Variants in CMTM3 observed in about 807,000 individuals in gnomAD.
CMTM3 encodes the protein CKLF like MARVEL transmembrane domain containing 3.
A neutral mutation model predicts 18.2 loss-of-function variants in CMTM3; 7 were observed. The observed-to-expected ratio is 0.38, with a 90% CI of 0.22 to 0.72. The LOEUF is 0.72. Among genes scored for constraint, CMTM3 ranks in the 30% least tolerant of loss-of-function variants. CMTM3 has a pLI of 0.46. For missense variants in CMTM3, 227 were observed against 249.2 expected (o/e 0.91, Z 0.60); for synonymous variants, 109 against 111.2 (o/e 0.98, Z 0.12).
Position 66,609,653 on chromosome 16 carries a change from G to C in CMTM3, c.399+123G>C, listed in dbSNP as rs903007565. 4.3e-5 allele frequency: 66 copies of C among 1,523,086 alleles called. No individual in the cohort carries two copies. Among genetic ancestry groups the C allele is most frequent in the Non-Finnish European group, 5.6e-5 (63 of 1,129,298 alleles). The allele number at this position is 1,523,086 out of a possible 1,614,324, so 94.3% of individuals were successfully genotyped here. On this transcript the variant is annotated intron_variant, in intron 3 of 4. Transcript: ENST00000567572. This position sits in a 1 kb window ranked among gnomAD's most constrained non-coding sequence, Gnocchi z 4.4. ...CCTGGGGTCTCATGTGGGTCCCGATGATGATTCCAAAGTCCTCTCATTAAA... is the reference window on the plus strand; with the variant it reads ...CCTGGGGTCTCATGTGGGTCCCGATCATGATTCCAAAGTCCTCTCATTAAA...
rs1313079896 is a variant in CMTM3, at chr16:66,608,688, A to C, written c.303+224A>C. Among the ~76,000 whole-genome samples, 1 of 152,194 alleles carries C rather than the reference A, an allele frequency of 6.6e-6. No individual in the cohort carries two copies. Among genetic ancestry groups the C allele is most frequent in the African/African-American group, 2.4e-5 (1 of 41,454 alleles). ...TGCCTCTAGAGCAGGTCTGTGAGGC[A>C]GGGAACCCGGAGAGGGGTCTCTGGC... On this transcript the variant is annotated intron_variant, in intron 2 of 4. Coordinates refer to ENST00000567572, the MANE Select transcript of CMTM3 (RefSeq NM_181553.4). The surrounding 1 kb of genome is among the most constrained non-coding windows in gnomAD (Gnocchi z 5.1).
Position 66,610,707 on chromosome 16 carries a change from T to C in CMTM3, c.520+704T>C, listed in dbSNP as rs1049163481. 3 of 397,492 alleles carry C rather than the reference T, an allele frequency of 7.5e-6. No homozygotes were observed. In the Admixed American group the frequency reaches 1.3e-4, roughly 18 times the overall value. 24.6% of individuals were successfully genotyped at this position (397,492 alleles called of 1,614,324 possible). Reference sequence around the variant, plus strand: ...GAGATGCTTCTCTGGACCAGGCGGATGTGCCCCTGTGCTGGCAGTGCCTGT... The same window carrying C: ...GAGATGCTTCTCTGGACCAGGCGGACGTGCCCCTGTGCTGGCAGTGCCTGT... On this transcript the variant is annotated intron_variant, in intron 4 of 4. Transcript: ENST00000567572. The surrounding 1 kb of genome is among the most constrained non-coding windows in gnomAD (Gnocchi z 4.6).
chr16:66,609,861 A>G lies in CMTM3; in HGVS notation c.400-22A>G, dbSNP rs2144749009. On this transcript the variant is annotated intron_variant, in intron 3 of 4. Transcript: ENST00000567572. This position sits in a 1 kb window ranked among gnomAD's most constrained non-coding sequence, Gnocchi z 4.4. ...GAGCAGGGAGTCAGCCCTGTGATGC[A>G]TCCCATCCACCCTGTCCACAGGTGT... is the stretch of plus-strand genomic sequence containing the variant. 2 of 1,614,158 alleles carry G rather than the reference A, an allele frequency of 1.2e-6. No individual in the cohort carries two copies. Among genetic ancestry groups the G allele is most frequent in the Non-Finnish European group, 1.7e-6 (2 of 1,180,026 alleles).
chr16:66,609,768 C>A lies in CMTM3; in HGVS notation c.400-115C>A. The A allele has an allele frequency of 6.2e-7, 1 of 1,602,766 alleles. No individual in the cohort carries two copies. The highest frequency in any genetic ancestry group is 8.5e-7 in the Non-Finnish European group (1 of 1,174,544). ...CTTCCGTTACTCACAGGGGTCTGTG[C>A]CTGACACTCGGGCTGTTTGTCCAAG... On this transcript the variant is annotated intron_variant, in intron 3 of 4. Transcript: ENST00000567572. The surrounding 1 kb of genome is among the most constrained non-coding windows in gnomAD (Gnocchi z 4.4).
Position 66,610,093 on chromosome 16 carries a change from T to A in CMTM3, c.520+90T>A. 6.7e-7 allele frequency: 1 copy of A among 1,492,716 alleles called. No individual in the cohort carries two copies. The highest frequency in any genetic ancestry group is 1.2e-5 in the South Asian group (1 of 84,166). The allele number at this position is 1,492,716 out of a possible 1,614,324, so 92.5% of individuals were successfully genotyped here. On this transcript the variant is annotated intron_variant, in intron 4 of 4. Coordinates refer to ENST00000567572, the MANE Select transcript of CMTM3 (RefSeq NM_181553.4). This position sits in a 1 kb window ranked among gnomAD's most constrained non-coding sequence, Gnocchi z 4.6. ...CAGCTAGTTTGAGGCTGGGGTGGGA[T>A]CATTTCCTCTCTCCCCATGGCAGGA... is the stretch of plus-strand genomic sequence containing the variant.
rs557142222 is a variant in CMTM3, at chr16:66,609,455, C to T, written c.324C>T (p.Thr108=). The T allele has an allele frequency of 9.3e-6, 15 of 1,612,952 alleles. No individual in the cohort carries two copies. The Admixed American group carries it at 1.5e-4, about 16-fold the overall frequency. Residue 108 remains threonine (T), a synonymous_variant, in exon 3 of 5, where the codon ACC becomes ACT. Coordinates refer to ENST00000567572, the MANE Select transcript of CMTM3 (RefSeq NM_181553.4). This position sits in a 1 kb window ranked among gnomAD's most constrained non-coding sequence, Gnocchi z 4.4. ...CCCAGGACTTCCTGCGCTGTGTCAC[C>T]GCGGCCCTCATCTACTTTGCTATCT... ...WPMMDFLRCV[T]AALIYFAISI...
chr16:66,604,773 A>C lies in CMTM3; in HGVS notation c.-33A>C, dbSNP rs2015062333. 2 of 1,229,154 alleles carry C rather than the reference A, an allele frequency of 1.6e-6. No individual in the cohort carries two copies. 76.1% of individuals were successfully genotyped at this position (1,229,154 alleles called of 1,614,324 possible). A position where few individuals can be genotyped will look rare whatever the true frequency, so the allele number is the denominator to read the frequency against. On this transcript the variant is annotated 5_prime_UTR_variant, in exon 1 of 5. Transcript: ENST00000567572. ...CTCCGGGCGCGAGAAGAGGGGAGCC[A>C]GGCCGAGCCCCGGCCCTACCGCCGC... is the stretch of plus-strand genomic sequence containing the variant.
rs761720807 is a variant in CMTM3 at position 66,610,008 on chromosome 16, G to A, written c.520+5G>A. On this transcript the variant is annotated splice_donor_5th_base_variant and intron_variant, in intron 4 of 4. Transcript: ENST00000567572. This position sits in a 1 kb window ranked among gnomAD's most constrained non-coding sequence, Gnocchi z 4.6. ...CCACAGCCCACAAGACAGAAGGTAA[G>A]CGGCTGCCCTGATCACCCCAGCAGT... The A allele has an allele frequency of 2.5e-6, 4 of 1,614,076 alleles. No homozygotes were observed. The African/African-American group carries it at 4.0e-5, about 16-fold the overall frequency.
intron 1 of CMTM3, among the ~76,000 whole-genome samples, chr16:66,607,849 T>G (rs1265211607): frequency 1.3e-5 from 2 of 150,284 alleles, no homozygotes; most frequent in East Asian, 2.0e-4. Flanking sequence ...TTTTTTTTTG[T>G]AGGGGCGGGT....
chr16:66,605,149 C>CCGAGCCCAGGCCATCCGCGGCGCT lies in CMTM3; in HGVS notation c.147+198_147+221dup. The CCGAGCCCAGGCCATCCGCGGCGCT allele has an allele frequency of 6.2e-6, 3 of 485,254 alleles. No homozygotes were observed. The East Asian group carries it at 1.1e-4, about 19-fold the overall frequency. 30.1% of individuals were successfully genotyped at this position (485,254 alleles called of 1,614,324 possible). On this transcript the variant is annotated intron_variant, in intron 1 of 4. Coordinates refer to ENST00000567572, the MANE Select transcript of CMTM3 (RefSeq NM_181553.4). The surrounding 1 kb of genome is among the most constrained non-coding windows in gnomAD (Gnocchi z 4.6). The stretch of plus-strand genomic sequence containing the variant: ...CAAACTTTGGACGGCGGGGCGGGGC[C>CCGAGCCCAGGCCATCCGCGGCGCT]CGAGCCCAGGCCATCCGCGGCGCTG...
chr16:66,610,089 G>T lies in CMTM3; in HGVS notation c.520+86G>T. ...ATGCCAGCTAGTTTGAGGCTGGGGT[G>T]GGATCATTTCCTCTCTCCCCATGGC... On this transcript the variant is annotated intron_variant, in intron 4 of 4. Transcript: ENST00000567572. The surrounding 1 kb of genome is among the most constrained non-coding windows in gnomAD (Gnocchi z 4.6). The T allele has an allele frequency of 6.5e-7, 1 of 1,544,320 alleles. No homozygotes were observed. Among genetic ancestry groups the T allele is most frequent in the South Asian group, 1.2e-5 (1 of 86,222 alleles).
In CMTM3 at chr16:66,610,216, G is replaced by C. The variant is rs2015325488; in HGVS notation, c.520+213G>C. On this transcript the variant is annotated intron_variant, in intron 4 of 4. Coordinates refer to ENST00000567572, the MANE Select transcript of CMTM3 (RefSeq NM_181553.4). The surrounding 1 kb of genome is among the most constrained non-coding windows in gnomAD (Gnocchi z 4.6). ...ACCCTCACCCCAGCCTTTCTAGGAG[G>C]GGCAAGCAGTGGGCATGGCTGAGCC... Among the ~76,000 whole-genome samples, 1 of 152,180 alleles carries C rather than the reference G, an allele frequency of 6.6e-6. No homozygotes were observed. The highest frequency in any genetic ancestry group is 2.4e-5 in the African/African-American group (1 of 41,460).
In CMTM3 at chr16:66,605,201, G is replaced by A. The variant is rs1268616534; in HGVS notation, c.147+249G>A. ...CCCCGCGAGTCCAGAGCTGGGGGCCGTGGGAAGTGGGTGGGGCCCGGGGAT... is the reference window on the plus strand; with the variant it reads ...CCCCGCGAGTCCAGAGCTGGGGGCCATGGGAAGTGGGTGGGGCCCGGGGAT... On this transcript the variant is annotated intron_variant, in intron 1 of 4. Coordinates refer to ENST00000567572, the MANE Select transcript of CMTM3 (RefSeq NM_181553.4). The surrounding 1 kb of genome is among the most constrained non-coding windows in gnomAD (Gnocchi z 4.6). 5.4e-6 allele frequency: 2 copies of A among 372,092 alleles called. No homozygotes were observed. The highest frequency in any genetic ancestry group is 4.2e-5 in the African/African-American group (2 of 47,100). 23.0% of individuals were successfully genotyped at this position (372,092 alleles called of 1,614,324 possible).
upstream of CMTM3, chr16:66,604,140 CGT>C (rs760882213): frequency 1.3e-4 from 20 of 148,474 alleles, no homozygotes; most frequent in Admixed American, 2.7e-4. Flanking sequence ...CGCGCGCGCG[CGT>C]GTGTGTGTGT....
In CMTM3 at chr16:66,613,296, G is replaced by A. The variant is rs1596891731; in HGVS notation, c.*659G>A. On this transcript the variant is annotated 3_prime_UTR_variant, in exon 5 of 5. Transcript: ENST00000567572. ...GGTGAGATGACCATTCTGGGTCTAA[G>A]ACTGTTTCAAAGAAGAGCTCATAGA... 4.9e-6 allele frequency: 3 copies of A among 607,096 alleles called. No individual in the cohort carries two copies. The East Asian group carries it at 8.3e-5, about 17-fold the overall frequency. The allele number at this position is 607,096 out of a possible 1,614,324, so 37.6% of individuals were successfully genotyped here. A position where few individuals can be genotyped will look rare whatever the true frequency, so the allele number is the denominator to read the frequency against.
At position 66,609,691 on chromosome 16, in the gene CMTM3, C is replaced by G; in HGVS notation, c.399+161C>G. 3 of 1,543,174 alleles carry G rather than the reference C, an allele frequency of 1.9e-6. No homozygotes were observed. The highest frequency in any genetic ancestry group is 2.6e-6 in the Non-Finnish European group (3 of 1,145,006). On this transcript the variant is annotated intron_variant, in intron 3 of 4. Transcript: ENST00000567572. This position sits in a 1 kb window ranked among gnomAD's most constrained non-coding sequence, Gnocchi z 4.4. ...TCCTCTCATTAAAGACTGACTCTAC[C>G]CGGGGTTTTGAAAGGCTGTTTGTCA...
chr16:66,611,539 C>T (rs1354629608), intron 4 of CMTM3, among the ~76,000 whole-genome samples: 1 of 152,128 alleles, frequency 6.6e-6, no homozygotes, highest in Non-Finnish European at 1.5e-5. Flanking sequence ...GGTTTAGGGA[C>T]TAGGCTGCCC....
chr16:66,610,995 T>G lies in CMTM3; in HGVS notation c.520+992T>G, dbSNP rs1288227067. The G allele has an allele frequency of 2.5e-6, 1 of 397,946 alleles. No homozygotes were observed. Among genetic ancestry groups the G allele is most frequent in the Non-Finnish European group, 4.4e-6 (1 of 225,844 alleles). The allele number at this position is 397,946 out of a possible 1,614,324, so 24.7% of individuals were successfully genotyped here. A position where few individuals can be genotyped will look rare whatever the true frequency, so the allele number is the denominator to read the frequency against. Reference sequence around the variant, plus strand: ...CTCAGGCTCTGCAACCTGCTCCCAGTTGCCCGCAGCAAGTGATCCCAGACA... The same window carrying G: ...CTCAGGCTCTGCAACCTGCTCCCAGGTGCCCGCAGCAAGTGATCCCAGACA... On this transcript the variant is annotated intron_variant, in intron 4 of 4. Coordinates refer to ENST00000567572, the MANE Select transcript of CMTM3 (RefSeq NM_181553.4). The surrounding 1 kb of genome is among the most constrained non-coding windows in gnomAD (Gnocchi z 4.6).
In CMTM3 at chr16:66,608,824, T is replaced by G. The variant is rs2015259380; in HGVS notation, c.303+360T>G. The stretch of plus-strand genomic sequence containing the variant: ...CAGGTTAACTGAGGACTTGCAGGGC[T>G]TACCCAGACTTCAGCCATCGGCAAC... On this transcript the variant is annotated intron_variant, in intron 2 of 4. Transcript: ENST00000567572. The surrounding 1 kb of genome is among the most constrained non-coding windows in gnomAD (Gnocchi z 5.1). Among the ~76,000 whole-genome samples the G allele has an allele frequency of 6.6e-6, 1 of 152,222 alleles. No homozygotes were observed. The highest frequency in any genetic ancestry group is 6.5e-5 in the Admixed American group (1 of 15,282).
Sources: gnomAD v4.1 joint callset for allele counts (sites outside exome capture counted in the v4.1 genomes callset) on GRCh38, gnomAD v4.1.1 for gene constraint, Gnocchi (gnomAD v3.1) non-coding constraint, MANE v1.5 for transcripts, NCBI Gene and HGNC (gene_info 2026-07-23, HGNC 2026-07-21) for gene names.